The following NAPEPLD variants were observed in gnomAD, a reference collection of about 807,000 sequenced individuals.
NAPEPLD encodes the protein N-acyl phosphatidylethanolamine phospholipase D.
In NAPEPLD, 23 loss-of-function variants were observed where a neutral mutation model predicts 38.1. The ratio of observed to expected loss-of-function variants is 0.60; its 90% CI spans 0.43 to 0.86. NAPEPLD has a LOEUF of 0.86. NAPEPLD is among the 40% of genes least tolerant of loss of function. NAPEPLD has a pLI of 0.00. For missense variants in NAPEPLD, 411 were observed against 476.8 expected, an observed-to-expected ratio of 0.86 and a Z score of 1.28; for synonymous variants, 147 against 162.0, an observed-to-expected ratio of 0.91 and a Z score of 0.71.
At chr7:103,106,194 G>A (rs1273873258) in intron 4 of NAPEPLD, among the ~76,000 whole-genome samples, 1 of 152,168 alleles carries the variant, frequency 6.6e-6, no homozygotes, top group African/African-American at 2.4e-5. Flanking sequence ...TGTACGGGGA[G>A]GAACAGTGCA....
intron 1 of NAPEPLD, among the ~76,000 whole-genome samples, chr7:103,140,065 GA>G (rs1167460660): frequency 1.3e-5 from 2 of 152,162 alleles, no homozygotes; most frequent in African/African-American, 4.8e-5. Flanking sequence ...TGGGGCAAAA[GA>G]ATTGAAAACA....
intron 1 of NAPEPLD, chr7:103,129,346 A>G (rs1350821783): frequency 2.0e-6 from 2 of 984,530 alleles, no homozygotes; most frequent in African/African-American, 3.5e-5. Context: ...AAAACAACAT[A>G]TTTCCCCAGC....
chr7:103,117,033 AT>A (rs1047321016), intron 3 of NAPEPLD, among the ~76,000 whole-genome samples: 62 of 152,342 alleles, frequency 4.1e-4, no homozygotes, highest in African/African-American at 1.3e-3. Flanking sequence ...CTACAAGCAA[AT>A]CCTTTGCCTT....
Position 103,101,853 on chromosome 7 carries a change from T to G in NAPEPLD, c.*1576A>C, listed in dbSNP as rs1416782066. ...TGGTGTAGAAAACCTATTTTGATTA[T>G]TTTGTATGAATAAAGTGCTGAGACT... On this transcript the variant is annotated 3_prime_UTR_variant, in exon 5 of 5. Coordinates refer to ENST00000465647, the MANE Select transcript of NAPEPLD (RefSeq NM_001122838.3). 2 of 152,186 alleles carry G rather than the reference T, an allele frequency of 1.3e-5. No homozygotes were observed. The highest frequency in any genetic ancestry group is 3.9e-4 in the East Asian group (2 of 5,192). 9.4% of individuals were successfully genotyped at this position (152,186 alleles called of 1,614,324 possible).
intron 3 of NAPEPLD, among the ~76,000 whole-genome samples, chr7:103,116,869 A>T (rs923582081): frequency 6.6e-6 from 1 of 152,208 alleles, no homozygotes; most frequent in Non-Finnish European, 1.5e-5. Context: ...TTACCCCATT[A>T]TGTGAGGGTA....
chr7:103,107,345 T>G (rs1025173359), intron 4 of NAPEPLD, among the ~76,000 whole-genome samples: 4 of 151,854 alleles, frequency 2.6e-5, no homozygotes, highest in Admixed American at 2.0e-4. Flanking sequence ...CTTCCTCTCC[T>G]CCAAAGGATC....
At chr7:103,114,936 G>GT (rs1805267071) in intron 4 of NAPEPLD, 124 bp downstream of exon 4, 1 of 661,956 alleles carries the variant, frequency 1.5e-6, no homozygotes, top group Non-Finnish European at 2.7e-6. Context: ...AATTCATGCA[G>GT]TGACTGTGAT....
chr7:103,103,422 A>G lies in NAPEPLD; in HGVS notation c.*7T>C. The G allele has an allele frequency of 6.5e-7, 1 of 1,549,548 alleles. No individual in the cohort carries two copies. The highest frequency in any genetic ancestry group is 8.6e-7 in the Non-Finnish European group (1 of 1,157,928). On this transcript the variant is annotated 3_prime_UTR_variant, in exon 5 of 5. Transcript: ENST00000465647. ...TTTTTCATTAAAAGTGCCTGTGCTC[A>G]CATTTATTAAAAGTTTTCATCATCA...
At position 103,102,664 on chromosome 7, in the gene NAPEPLD, T is replaced by C. The variant is rs1328834283; in HGVS notation, c.*765A>G. ...CAATAGAATATACTGTTCCCTCTCATCTGAAGGCTCTAGGAAAAAAAGAAT... is the reference window on the plus strand; with the variant it reads ...CAATAGAATATACTGTTCCCTCTCACCTGAAGGCTCTAGGAAAAAAAGAAT... On this transcript the variant is annotated 3_prime_UTR_variant, in exon 5 of 5. Coordinates refer to ENST00000465647, the MANE Select transcript of NAPEPLD (RefSeq NM_001122838.3). 2 of 152,150 alleles carry C rather than the reference T, an allele frequency of 1.3e-5. No homozygotes were observed. The highest frequency in any genetic ancestry group is 2.9e-5 in the Non-Finnish European group (2 of 68,020). The allele number at this position is 152,150 out of a possible 1,614,324, so 9.4% of individuals were successfully genotyped here. A position where few individuals can be genotyped will look rare whatever the true frequency, so the allele number is the denominator to read the frequency against.
chr7:103,145,993 G>A (rs1029467281), intron 1 of NAPEPLD, among the ~76,000 whole-genome samples: 23 of 151,476 alleles, frequency 1.5e-4, no homozygotes, highest in Non-Finnish European at 4.4e-5. Flanking sequence ...ACACACGCAC[G>A]CACACACATA....
chr7:103,117,446 T>C (rs1805794329), intron 3 of NAPEPLD, among the ~76,000 whole-genome samples: 1 of 152,218 alleles, frequency 6.6e-6, no homozygotes, highest in Non-Finnish European at 1.5e-5. Context: ...AATTTTTTAC[T>C]GTGATATAAC....
In NAPEPLD at chr7:103,120,131, C is replaced by A; in HGVS notation, c.387G>T (p.Trp129Cys). ...GVREAGLRVT[W>C]LGHATVMVEM... ...CCACCATTACCGTGGCATGTCCCAG[C>A]CATGTGACTCTTAAGCCAGCTTCCC... The change falls in exon 3 of 5, where the codon TGG becomes TGT. Residue 129 changes from tryptophan to cysteine, a missense_variant. Trp to Cys is a radical substitution (Grantham distance 215). Coordinates refer to ENST00000465647, the MANE Select transcript of NAPEPLD (RefSeq NM_001122838.3). The A allele has an allele frequency of 6.2e-7, 1 of 1,614,184 alleles. No individual in the cohort carries two copies.
At chr7:103,109,237 A>G (rs992015420) in intron 4 of NAPEPLD, among the ~76,000 whole-genome samples, 12 of 152,220 alleles carry the variant, frequency 7.9e-5, no homozygotes, top group African/African-American at 2.9e-4. Context: ...GACCAAGCAG[A>G]CCTAACAGAC....
At chr7:103,141,719 C>T (rs1453206253) in intron 1 of NAPEPLD, 1 of 868,878 alleles carries the variant, frequency 1.2e-6, no homozygotes, top group Non-Finnish European at 2.0e-6. Flanking sequence ...GCCCATATGC[C>T]TGCCCTTCCG....
intron 1 of NAPEPLD, among the ~76,000 whole-genome samples, chr7:103,133,266 G>C (rs951896189): frequency 1.3e-5 from 2 of 152,124 alleles, no homozygotes; most frequent in African/African-American, 4.8e-5. Context: ...CTTGGGGTAT[G>C]GGGAAATGTA....
At chr7:103,133,552 T>C (rs1027572413) in intron 1 of NAPEPLD, among the ~76,000 whole-genome samples, 5 of 152,176 alleles carry the variant, frequency 3.3e-5, no homozygotes, top group African/African-American at 1.2e-4. Flanking sequence ...ACGCTCCTCA[T>C]GCCCAGTGTC....
chr7:103,102,081 A>G lies in NAPEPLD; in HGVS notation c.*1348T>C, dbSNP rs1802487405. 6.9e-6 allele frequency: 1 copy of G among 145,382 alleles called. No individual in the cohort carries two copies. Among genetic ancestry groups the G allele is most frequent in the East Asian group, 2.1e-4 (1 of 4,700 alleles). The allele number at this position is 145,382 out of a possible 1,614,324, so 9.0% of individuals were successfully genotyped here. On this transcript the variant is annotated 3_prime_UTR_variant, in exon 5 of 5. Transcript: ENST00000465647. ...TAAGGTTCATTTAATATAAAAATGTAAGACATCTGAATCAGGTAAAAAAAA... is the reference window on the plus strand; with the variant it reads ...TAAGGTTCATTTAATATAAAAATGTGAGACATCTGAATCAGGTAAAAAAAA...
rs185330469 is a variant in NAPEPLD at position 103,141,306 on chromosome 7, A to G, written c.-17+7505T>C. On this transcript the variant is annotated intron_variant, in intron 1 of 4. Transcript: ENST00000465647. ...CTTATTTTACTTTAATGGCTGATCT[A>G]TGTAATCACGGAGGCCAGTATGTAC... The G allele has an allele frequency of 5.4e-5, 29 of 538,228 alleles. No homozygotes were observed. The East Asian group carries it at 6.2e-4, about 11-fold the overall frequency. 33.3% of individuals were successfully genotyped at this position (538,228 alleles called of 1,614,324 possible).
At chr7:103,144,360 CAATA>C (rs754230046) in intron 1 of NAPEPLD, among the ~76,000 whole-genome samples, 77 of 152,242 alleles carry the variant, frequency 5.1e-4, no homozygotes, top group Non-Finnish European at 9.3e-4. Context: ...GGGAGATGCT[CAATA>C]AATACTAGTT....
Sources: allele counts gnomAD v4.1 joint callset (sites outside exome capture counted in the v4.1 genomes callset), GRCh38; gene constraint gnomAD v4.1.1; transcripts MANE v1.5; gene names NCBI Gene and HGNC (gene_info 2026-07-23, HGNC 2026-07-21).